The following FGD4 variants were observed in gnomAD, a reference collection of about 807,000 sequenced individuals.
The protein encoded by FGD4 is FYVE, RhoGEF and PH domain-containing protein 4.
A neutral mutation model predicts 102.0 loss-of-function variants in FGD4; 42 were observed. The ratio of observed to expected loss-of-function variants is 0.41; its 90% CI spans 0.32 to 0.53. FGD4 has a LOEUF of 0.53. Ranked by LOEUF, FGD4 falls within the 20% of genes least tolerant of loss-of-function variation. The pLI, the probability that FGD4 is intolerant of heterozygous loss-of-function variation, is 0.21. For missense variants in FGD4, 902 were observed against 1,078.2 expected, an observed-to-expected ratio of 0.84 and a Z score of 2.29; for synonymous variants, 380 against 375.7, an observed-to-expected ratio of 1.01 and a Z score of -0.13.
rs139283594 is a variant in FGD4, at chr12:32,491,646, A to G, written c.167-72491A>G. Among the ~76,000 whole-genome samples, 98 of 152,352 alleles carry G rather than the reference A, an allele frequency of 6.4e-4. 1 individual carries two copies. Among genetic ancestry groups the G allele is most frequent in the African/African-American group, 2.3e-3 (95 of 41,564 alleles). On this transcript the variant is annotated intron_variant, in intron 1 of 16. Transcript: ENST00000534526. ...TTTGTGAAACTGTATCTGAATAAGA[A>G]TGCCTCAGGGTTTCCTTGGTACATA...
intron 1 of FGD4, among the ~76,000 whole-genome samples, chr12:32,531,244 C>G (rs1015074097): frequency 6.6e-6 from 1 of 152,010 alleles, no homozygotes; most frequent in African/African-American, 2.4e-5. Flanking sequence ...CCACTCCACC[C>G]GGCCCTCCTA....
At chr12:32,617,042 C>G (rs967812674) in intron 10 of FGD4, among the ~76,000 whole-genome samples, 3 of 152,114 alleles carry the variant, frequency 2.0e-5, no homozygotes, top group Non-Finnish European at 2.9e-5. Context: ...TTATAATCAG[C>G]ATTAATCCAT....
At chr12:32,588,158 T>C (rs191543167) in intron 4 of FGD4, among the ~76,000 whole-genome samples, 1 of 152,346 alleles carries the variant, frequency 6.6e-6, no homozygotes, top group Non-Finnish European at 1.5e-5. Context: ...GCATTTAGAA[T>C]ATGGAACTAG....
chr12:32,621,904 T>G (rs1592440646), intron 11 of FGD4, among the ~76,000 whole-genome samples: 1 of 141,496 alleles, frequency 7.1e-6, no homozygotes, highest in Non-Finnish European at 1.6e-5. Flanking sequence ...TTTTTTTTTT[T>G]GGAGACAGAG....
chr12:32,472,482 A>C (rs1384148055), intron 1 of FGD4, among the ~76,000 whole-genome samples: 1 of 152,158 alleles, frequency 6.6e-6, no homozygotes, highest in Admixed American at 6.5e-5. Flanking sequence ...GTGCTGGCCC[A>C]CCGGTGCTGC....
At position 32,399,934 on chromosome 12, in the gene FGD4, G is replaced by A; in HGVS notation, c.141G>A (p.Lys47=). 2 of 1,506,488 alleles carry A rather than the reference G, an allele frequency of 1.3e-6. No individual in the cohort carries two copies. The highest frequency in any genetic ancestry group is 2.4e-5 in the South Asian group (2 of 81,732). The allele number at this position is 1,506,488 out of a possible 1,614,324, so 93.3% of individuals were successfully genotyped here. A position where few individuals can be genotyped will look rare whatever the true frequency, so the allele number is the denominator to read the frequency against. The part of the protein sequence containing the change: ...HLGRVGTAAF[K]GQVPSGATGS... ...GACGTGTAGGGACCGCTGCCTTCAA[G>A]GGCCAGGTGCCCTCAGGAGCCACAG... Residue 47 remains lysine (K), a synonymous_variant, in exon 1 of 17, where the codon AAG becomes AAA. Coordinates refer to ENST00000534526, the MANE Select transcript of FGD4 (RefSeq NM_001370298.3).
At position 32,607,992 on chromosome 12, in the gene FGD4, T is replaced by C. The variant is rs150223260; in HGVS notation, c.1440T>C (p.His480=). 95 of 1,614,154 alleles carry C rather than the reference T, an allele frequency of 5.9e-5. No individual in the cohort carries two copies. The African/African-American group carries it at 1.1e-3, about 18-fold the overall frequency. The part of the protein sequence containing the change: ...QKICGSLTLQ[H]HMLEPVQRIP... ...TCTGTGGGAGCTTAACTTTGCAGCA[T>C]CACATGCTAGAACCTGTTCAGCGGA... The change falls in exon 8 of 17, where the codon CAT becomes CAC. Residue 480 remains histidine, a synonymous_variant. Transcript: ENST00000534526.
At chr12:32,607,348 T>G (rs991735203) in intron 7 of FGD4, among the ~76,000 whole-genome samples, 2 of 152,160 alleles carry the variant, frequency 1.3e-5, no homozygotes, top group Non-Finnish European at 2.9e-5. Context: ...GGAGGACTAC[T>G]TGGGCCCAGG....
At chr12:32,637,318 C>T (rs534592749) in intron 15 of FGD4, among the ~76,000 whole-genome samples, 11 of 151,912 alleles carry the variant, frequency 7.2e-5, no homozygotes, top group East Asian at 2.0e-4. Flanking sequence ...GAGGCTTGGC[C>T]GGGCATGGTG....
chr12:32,531,097 G>A (rs925169308), intron 1 of FGD4, among the ~76,000 whole-genome samples: 6 of 151,184 alleles, frequency 4.0e-5, no homozygotes, highest in East Asian at 1.9e-4. Context: ...GACTACAGGC[G>A]CGTGCCACCA....
At chr12:32,434,159 A>G (rs1942150744) in intron 1 of FGD4, among the ~76,000 whole-genome samples, 1 of 152,130 alleles carries the variant, frequency 6.6e-6, no homozygotes. Flanking sequence ...CGGCCTGATA[A>G]TATATTTAAA....
intron 3 of FGD4, chr12:32,579,565 A>G (rs942018125): frequency 1.2e-4 from 19 of 152,278 alleles, no homozygotes; most frequent in African/African-American, 4.6e-4. Flanking sequence ...CATCCTTTAG[A>G]TAAGACCTGA....
At chr12:32,401,597 C>A (rs1344301248) in intron 1 of FGD4, among the ~76,000 whole-genome samples, 2 of 152,028 alleles carry the variant, frequency 1.3e-5, no homozygotes, top group Non-Finnish European at 2.9e-5. Flanking sequence ...TTAAAATCAC[C>A]TGGCTAAATT....
chr12:32,552,894 C>T (rs1310463903), intron 1 of FGD4, among the ~76,000 whole-genome samples: 1 of 151,464 alleles, frequency 6.6e-6, no homozygotes, highest in Non-Finnish European at 1.5e-5. Flanking sequence ...TCTCCTACCT[C>T]AGCCTCTTGA....
At chr12:32,525,922 C>T (rs930806734) in intron 1 of FGD4, among the ~76,000 whole-genome samples, 11 of 152,244 alleles carry the variant, frequency 7.2e-5, no homozygotes, top group Non-Finnish European at 1.6e-4. Flanking sequence ...GGGCAGGGCT[C>T]GGGACCTACA....
chr12:32,573,949 AG>A (rs1945907829), intron 2 of FGD4, among the ~76,000 whole-genome samples: 1 of 152,226 alleles, frequency 6.6e-6, no homozygotes, highest in Admixed American at 6.5e-5. Context: ...TGCCTTGTGG[AG>A]GAAAAAAAAC....
intron 1 of FGD4, among the ~76,000 whole-genome samples, chr12:32,403,988 G>A (rs1024219228): frequency 5.3e-5 from 8 of 152,034 alleles, no homozygotes; most frequent in African/African-American, 1.9e-4. Flanking sequence ...TCCCCTGAAA[G>A]GCTCTTAGTC....
intron 1 of FGD4, among the ~76,000 whole-genome samples, chr12:32,495,354 A>G (rs1392982490): frequency 6.6e-6 from 1 of 152,204 alleles, no homozygotes; most frequent in Non-Finnish European, 1.5e-5. Context: ...TGCTTTGGTT[A>G]TCTTAGAAAA....
intron 10 of FGD4, 70 bp from the exon 11 acceptor site, chr12:32,619,628 T>A: frequency 6.4e-7 from 1 of 1,562,206 alleles, no homozygotes; most frequent in Non-Finnish European, 8.8e-7. Flanking sequence ...TGAGACTCTG[T>A]CTCAAAAAAA....
Sources: gnomAD v4.1 joint callset for allele counts (sites outside exome capture counted in the v4.1 genomes callset) on GRCh38, gnomAD v4.1.1 for gene constraint, MANE v1.5 for transcripts, NCBI Gene and HGNC (gene_info 2026-07-23, HGNC 2026-07-21) for gene names.